Variants in COL8A2 observed in about 807,000 individuals in gnomAD.
The protein encoded by COL8A2 is collagen alpha-2(VIII) chain.
A neutral mutation model predicts 24.0 loss-of-function variants in COL8A2; 16 were observed. The ratio of observed to expected loss-of-function variants is 0.67; its 90% CI spans 0.45 to 1.01. COL8A2 has a LOEUF of 1.01. Ranked by LOEUF, COL8A2 falls within the 50% of genes least tolerant of loss-of-function variation. COL8A2 has a pLI of 0.00. For synonymous variants in COL8A2, 466 were observed against 424.5 expected (o/e 1.10, Z -1.20); for missense variants, 818 against 942.4 (o/e 0.87, Z 1.73).
chr1:36,122,655 T>C (rs895019928), intron 1 of COL8A2, among the ~76,000 whole-genome samples: 5 of 151,960 alleles, frequency 3.3e-5, no homozygotes, highest in Non-Finnish European at 7.4e-5. Flanking sequence ...CTTCCTCTCA[T>C]CCCCATGGCA....
chr1:36,121,730 AAG>A (rs1643916236), intron 1 of COL8A2, among the ~76,000 whole-genome samples: 3 of 151,642 alleles, frequency 2.0e-5, no homozygotes, highest in East Asian at 1.9e-4. Flanking sequence ...AAAAAAAAGA[AAG>A]AAAGAAATCA....
chr1:36,121,713 A>C (rs1643915833), intron 1 of COL8A2, among the ~76,000 whole-genome samples: 1 of 47,100 alleles, frequency 2.1e-5, no homozygotes, highest in African/African-American at 4.8e-5. Flanking sequence ...GTCTCAAAAA[A>C]AATTAAAAAA....
intron 1 of COL8A2, among the ~76,000 whole-genome samples, chr1:36,121,388 C>CAAA (rs57902365): frequency 0.013 from 625 of 47,508 alleles, 50 homozygotes; most frequent in Non-Finnish European, 0.014. Flanking sequence ...GACTCTGTCT[C>CAAA]AAAAAAAAAA....
At chr1:36,119,099 A>G (rs921580537) in intron 1 of COL8A2, among the ~76,000 whole-genome samples, 6 of 152,134 alleles carry the variant, frequency 3.9e-5, no homozygotes, top group Non-Finnish European at 5.9e-5. Flanking sequence ...GGTCCCAGAG[A>G]GGTCACATCC....
Position 36,097,532 on chromosome 1 carries a change from G to T in COL8A2, c.*37C>A. The T allele has an allele frequency of 6.7e-7, 1 of 1,494,866 alleles. No homozygotes were observed. Among genetic ancestry groups the T allele is most frequent in the South Asian group, 1.2e-5 (1 of 84,480 alleles). 92.6% of individuals were successfully genotyped at this position (1,494,866 alleles called of 1,614,324 possible). On this transcript the variant is annotated 3_prime_UTR_variant, in exon 4 of 4. Coordinates refer to ENST00000397799, the MANE Select transcript of COL8A2 (RefSeq NM_005202.4). Reference sequence around the variant, plus strand: ...TTGAAAAGGTCGCTCTACCACTAAAGGGGAGGAGGCCAGGGCAGCAGGACC... The same window carrying T: ...TTGAAAAGGTCGCTCTACCACTAAATGGGAGGAGGCCAGGGCAGCAGGACC...
rs1018975326 is a variant in COL8A2 at position 36,096,278 on chromosome 1, AG to A, written c.*1290del. 1 of 152,250 alleles carries A rather than the reference AG, an allele frequency of 6.6e-6. No homozygotes were observed. Among genetic ancestry groups the A allele is most frequent in the Non-Finnish European group, 1.5e-5 (1 of 68,082 alleles). 9.4% of individuals were successfully genotyped at this position (152,250 alleles called of 1,614,324 possible). A position where few individuals can be genotyped will look rare whatever the true frequency, so the allele number is the denominator to read the frequency against. On this transcript the variant is annotated 3_prime_UTR_variant, in exon 4 of 4. Coordinates refer to ENST00000397799, the MANE Select transcript of COL8A2 (RefSeq NM_005202.4). ...TTGACGTAGGGACTGAGGGGTTGGG[AG>A]GGGCATCCTGCCTGTTTCCTGCAGA...
chr1:36,100,712 A>G (rs573200327), intron 2 of COL8A2, among the ~76,000 whole-genome samples: 1 of 152,108 alleles, frequency 6.6e-6, no homozygotes, highest in Non-Finnish European at 1.5e-5. Flanking sequence ...TTAACAAGTT[A>G]TTATTATTGT....
intron 1 of COL8A2, among the ~76,000 whole-genome samples, chr1:36,116,058 CA>C (rs59712874): frequency 0.22 from 27,850 of 128,838 alleles, 3,420 homozygotes; most frequent in East Asian, 0.41. Flanking sequence ...GACTCTGTCT[CA>C]AAAAAAAAAA....
rs1643574257 is a variant in COL8A2, at chr1:36,096,879, C to T, written c.*690G>A. 1 of 152,856 alleles carries T rather than the reference C, an allele frequency of 6.5e-6. No individual in the cohort carries two copies. The highest frequency in any genetic ancestry group is 1.5e-5 in the Non-Finnish European group (1 of 68,562). The allele number at this position is 152,856 out of a possible 1,614,324, so 9.5% of individuals were successfully genotyped here. A position where few individuals can be genotyped will look rare whatever the true frequency, so the allele number is the denominator to read the frequency against. ...AGGGATGAACGTGAAGAGCTGCCTCCTGCCCCAGGTCTGTGCCCCAAGCCC... is the reference window on the plus strand; with the variant it reads ...AGGGATGAACGTGAAGAGCTGCCTCTTGCCCCAGGTCTGTGCCCCAAGCCC... On this transcript the variant is annotated 3_prime_UTR_variant, in exon 4 of 4. Coordinates refer to ENST00000397799, the MANE Select transcript of COL8A2 (RefSeq NM_005202.4).
rs1221232729 is a variant in COL8A2, at chr1:36,125,170, C to A, written c.-175G>T. On this transcript the variant is annotated 5_prime_UTR_variant, in exon 1 of 4. Transcript: ENST00000397799. The surrounding 1 kb of genome is among the most constrained non-coding windows in gnomAD (Gnocchi z 4.5). ...GGGCGGCGTTGGGGTCCGGGGTCCG[C>A]GCCGGCGGGGTTCCGCGTCGCTCTG... The A allele has an allele frequency of 5.9e-5, 29 of 489,086 alleles. No individual in the cohort carries two copies. The Admixed American group carries it at 1.8e-3, about 30-fold the overall frequency. The allele number at this position is 489,086 out of a possible 1,614,324, so 30.3% of individuals were successfully genotyped here.
At chr1:36,114,539 C>CT (rs1483003874) in intron 2 of COL8A2, among the ~76,000 whole-genome samples, 1 of 152,110 alleles carries the variant, frequency 6.6e-6, no homozygotes, top group African/African-American at 2.4e-5. Context: ...CTGGGTTGCC[C>CT]TTTCTACCTT....
chr1:36,105,998 C>G (rs1373976764), intron 2 of COL8A2, among the ~76,000 whole-genome samples: 2 of 148,910 alleles, frequency 1.3e-5, no homozygotes, highest in Non-Finnish European at 3.0e-5. Flanking sequence ...GGAGGCAGGG[C>G]GCGGTGGCTC....
At chr1:36,106,441 G>A (rs957387259) in intron 2 of COL8A2, among the ~76,000 whole-genome samples, 1 of 152,100 alleles carries the variant, frequency 6.6e-6, no homozygotes, top group African/African-American at 2.4e-5. Flanking sequence ...GGCCACCTGA[G>A]CTTGGGGGCT....
intron 1 of COL8A2, among the ~76,000 whole-genome samples, chr1:36,120,702 CAT>C: frequency 6.9e-6 from 1 of 145,810 alleles, no homozygotes; most frequent in East Asian, 2.0e-4. Flanking sequence ...GAGCCGAGAT[CAT>C]GCCATTGCAC....
At position 36,098,364 on chromosome 1, in the gene COL8A2, C is replaced by T; in HGVS notation, c.1317G>A (p.Gly439=). ...PGFTGRPGGP[G]VAGALGQKGD... is the part of the protein sequence containing the mutation. ...CTTTCTGCCCCAGGGCTCCTGCCAC[C>T]CCTGGTCCTCCAGGGCGACCCGTGA... Residue 439 remains glycine (G), a synonymous_variant, in exon 4 of 4, where the codon GGG becomes GGA. Coordinates refer to ENST00000397799, the MANE Select transcript of COL8A2 (RefSeq NM_005202.4). 1 of 1,552,484 alleles carries T rather than the reference C, an allele frequency of 6.4e-7. No homozygotes were observed. Among genetic ancestry groups the T allele is most frequent in the Non-Finnish European group, 8.7e-7 (1 of 1,148,380 alleles).
intron 2 of COL8A2, among the ~76,000 whole-genome samples, chr1:36,102,828 C>T (rs886834925): frequency 1.3e-5 from 2 of 151,748 alleles, no homozygotes; most frequent in African/African-American, 2.4e-5. Context: ...CCTGCCACCA[C>T]ACCCAGCTAA....
Position 36,100,216 on chromosome 1 carries a change from A to G in COL8A2, c.27T>C (p.Ser9=), listed in dbSNP as rs369430976. MLGTLTPL[S]SLLLLLLVLV... is the part of the protein sequence containing the mutation. Reference sequence around the variant, plus strand: ...GCACCAGTAGCAGCAGCAGCAGCGAAGACAGGGGTGTCAGAGTCCCCAGCA... The same window carrying G: ...GCACCAGTAGCAGCAGCAGCAGCGAGGACAGGGGTGTCAGAGTCCCCAGCA... The change falls in exon 3 of 4, where the codon TCT becomes TCC. Residue 9 remains serine (S), a synonymous_variant. Transcript: ENST00000397799. 1.0e-5 allele frequency: 16 copies of G among 1,581,090 alleles called. No homozygotes were observed. In the African/African-American group the frequency reaches 2.2e-4, roughly 21 times the overall value.
chr1:36,116,050 C>T (rs1433024738), intron 1 of COL8A2, among the ~76,000 whole-genome samples: 1 of 145,204 alleles, frequency 6.9e-6, no homozygotes, highest in Non-Finnish European at 1.5e-5. Context: ...CAGGGCAAGA[C>T]TCTGTCTCAA....
At chr1:36,107,409 A>T (rs1643776875) in intron 2 of COL8A2, among the ~76,000 whole-genome samples, 1 of 151,852 alleles carries the variant, frequency 6.6e-6, no homozygotes, top group African/African-American at 2.4e-5. Context: ...GTCTCAAAAA[A>T]AAAAAAAGAA....
Sources: allele counts gnomAD v4.1 joint callset (sites outside exome capture counted in the v4.1 genomes callset), GRCh38; gene constraint gnomAD v4.1.1; non-coding constraint Gnocchi (gnomAD v3.1); transcripts MANE v1.5; gene names NCBI Gene and HGNC (gene_info 2026-07-23, HGNC 2026-07-21).